The following MED13L variants were observed in gnomAD, a reference collection of about 807,000 sequenced individuals.
The protein encoded by MED13L is mediator of RNA polymerase II transcription subunit 13-like.
MED13L carries 7 observed loss-of-function variants against 220.9 expected under a neutral mutation model. That is an observed-to-expected ratio of 0.03 (90% CI 0.02 to 0.06). The LOEUF (loss-of-function observed/expected upper bound fraction) is 0.06. Ranked by LOEUF, MED13L falls within the 10% of genes least tolerant of loss-of-function variation. MED13L has a pLI of 1.00. For synonymous variants in MED13L, 1,011 were observed against 1,015.2 expected, an observed-to-expected ratio of 1.00 and a Z score of 0.08; for missense variants, 1,965 against 2,760.5, an observed-to-expected ratio of 0.71 and a Z score of 6.46.
intron 22 of MED13L, 52 bp from the exon 23 acceptor site, chr12:115,980,990 G>A: frequency 6.7e-7 from 1 of 1,489,952 alleles, no homozygotes; most frequent in Non-Finnish European, 9.2e-7. Flanking sequence ...TAGAAACTGA[G>A]ATCTAACACA....
intron 4 of MED13L, among the ~76,000 whole-genome samples, chr12:116,041,243 C>T (rs1759659722): frequency 6.6e-6 from 1 of 152,054 alleles, no homozygotes; most frequent in Admixed American, 6.6e-5. Flanking sequence ...GGAGATCTGG[C>T]TGTTTGATGA....
intron 4 of MED13L, among the ~76,000 whole-genome samples, chr12:116,031,737 A>AGG (rs1404446541): frequency 0.019 from 1,410 of 73,092 alleles, 41 homozygotes; most frequent in African/African-American, 0.067. Context: ...AAAGAAAAGA[A>AGG]AAGAAAAGAA....
intron 29 of MED13L, among the ~76,000 whole-genome samples, chr12:115,965,482 T>C (rs1371304002): frequency 6.6e-6 from 1 of 152,206 alleles, no homozygotes; most frequent in Admixed American, 6.5e-5. Flanking sequence ...GCCAACACAG[T>C]ATGCTGCCAA....
At chr12:116,126,323 G>A (rs1406129147) in intron 2 of MED13L, among the ~76,000 whole-genome samples, 1 of 152,184 alleles carries the variant, frequency 6.6e-6, no homozygotes, top group Non-Finnish European at 1.5e-5. Context: ...GGCTAGAATG[G>A]CATTTTGGTT....
intron 4 of MED13L, among the ~76,000 whole-genome samples, chr12:116,061,706 T>C (rs1869502761): frequency 6.6e-6 from 1 of 152,012 alleles, no homozygotes; most frequent in Non-Finnish European, 1.5e-5. Flanking sequence ...TTACAAAACA[T>C]ATCAGAAAGG....
intron 2 of MED13L, among the ~76,000 whole-genome samples, chr12:116,200,974 A>G (rs1440851028): frequency 6.6e-6 from 1 of 152,190 alleles, no homozygotes; most frequent in African/African-American, 2.4e-5. Context: ...TGGAGAGAGC[A>G]GGTTACAAAA....
intron 2 of MED13L, among the ~76,000 whole-genome samples, chr12:116,228,284 C>G (rs1449086704): frequency 1.3e-5 from 2 of 152,170 alleles, no homozygotes; most frequent in African/African-American, 4.8e-5. Flanking sequence ...TTGCTAAGAT[C>G]ATTAATGAGG....
At chr12:116,120,680 C>A (rs1178655999) in intron 2 of MED13L, among the ~76,000 whole-genome samples, 1 of 151,832 alleles carries the variant, frequency 6.6e-6, no homozygotes, top group East Asian at 1.9e-4. Context: ...AACCTACAAT[C>A]TCTCCACGGC....
chr12:116,245,071 T>C (rs575477331), intron 1 of MED13L, among the ~76,000 whole-genome samples: 1 of 152,262 alleles, frequency 6.6e-6, no homozygotes, highest in South Asian at 2.1e-4. Flanking sequence ...AATGCAAATG[T>C]ATTCTCTGGA....
intron 4 of MED13L, among the ~76,000 whole-genome samples, chr12:116,065,999 C>G (rs1302160234): frequency 6.6e-6 from 1 of 152,182 alleles, no homozygotes; most frequent in Non-Finnish European, 1.5e-5. Flanking sequence ...CACATAACTG[C>G]AGAATCTGTG....
At chr12:116,019,440 T>G in intron 6 of MED13L, 28 bp from the exon 7 acceptor site, 1 of 1,609,140 alleles carries the variant, frequency 6.2e-7, no homozygotes, top group Non-Finnish European at 8.5e-7. Flanking sequence ...AAGGAAAGAA[T>G]CAGGACTGAG....
At chr12:116,009,656 A>G (rs1879272718) in intron 9 of MED13L, among the ~76,000 whole-genome samples, 1 of 152,244 alleles carries the variant, frequency 6.6e-6, no homozygotes, top group Non-Finnish European at 1.5e-5. Context: ...AAGAACATTT[A>G]ATAGGATAAA....
chr12:116,103,056 A>G (rs1326714085), intron 3 of MED13L, among the ~76,000 whole-genome samples: 3 of 152,076 alleles, frequency 2.0e-5, no homozygotes, highest in Non-Finnish European at 4.4e-5. Flanking sequence ...ACTGTGCCCT[A>G]GTGGATACAG....
intron 2 of MED13L, among the ~76,000 whole-genome samples, chr12:116,170,146 A>T (rs1208766365): frequency 6.6e-6 from 1 of 152,232 alleles, no homozygotes; most frequent in Non-Finnish European, 1.5e-5. Flanking sequence ...TGAGTTATGC[A>T]CAGATTCTGT....
chr12:116,204,390 G>A, intron 2 of MED13L, among the ~76,000 whole-genome samples: 1 of 152,198 alleles, frequency 6.6e-6, no homozygotes, highest in East Asian at 1.9e-4. Context: ...TACTACGCAG[G>A]AAGAACTTGT....
rs1454531264 is a variant in MED13L, at chr12:116,003,008, G to A, written c.2564C>T (p.Pro855Leu). 7 of 1,613,322 alleles carry A rather than the reference G, an allele frequency of 4.3e-6. No individual in the cohort carries two copies. Among genetic ancestry groups the A allele is most frequent in the Admixed American group, 1.7e-5 (1 of 60,014 alleles). ...AGTCAAGTTTCTCTACCTACTTGGT[G>A]GATAAGGAACAGCAGCTCTTCCATC... ...GKDGRAAVPYPPTVADLQRMF... is the reference protein window; with the variant it reads ...GKDGRAAVPYLPTVADLQRMF... Residue 855 changes from proline (P) to leucine (L), a missense_variant, in exon 14 of 31, where the codon CCA becomes CTA. This residue lies in a region of MED13L where 9 missense variants were observed against 39.6 expected (regional missense o/e 0.23). Coordinates refer to ENST00000281928, the MANE Select transcript of MED13L (RefSeq NM_015335.5).
At chr12:116,210,044 C>T (rs550983725) in intron 2 of MED13L, among the ~76,000 whole-genome samples, 2 of 152,290 alleles carry the variant, frequency 1.3e-5, no homozygotes, top group South Asian at 4.1e-4. Context: ...TAAGGGAAAA[C>T]AATTCAAGAC....
At position 116,150,260 on chromosome 12, in the gene MED13L, C is replaced by T. The variant is rs554967485; in HGVS notation, c.311-38748G>A. The stretch of plus-strand genomic sequence containing the variant: ...ACTTCACACAACATGTAACAAACCA[C>T]CAAGTGTCTAGTTCTCTTGTGTCCG... On this transcript the variant is annotated intron_variant, in intron 2 of 30. Transcript: ENST00000281928. Among the ~76,000 whole-genome samples, 9 of 152,328 alleles carry T rather than the reference C, an allele frequency of 5.9e-5. No homozygotes were observed. The South Asian group carries it at 1.7e-3, about 28-fold the overall frequency.
intron 2 of MED13L, among the ~76,000 whole-genome samples, chr12:116,220,127 T>A (rs1883225189): frequency 6.6e-6 from 1 of 152,148 alleles, no homozygotes; most frequent in South Asian, 2.1e-4. Context: ...AGCAAAACTA[T>A]CTGTAACACT....
Sources: allele counts gnomAD v4.1 joint callset (sites outside exome capture counted in the v4.1 genomes callset), GRCh38; gene constraint gnomAD v4.1.1; regional missense constraint gnomAD v4.1.1; transcripts MANE v1.5; gene names NCBI Gene and HGNC (gene_info 2026-07-23, HGNC 2026-07-21).